ITGB6: variants seen among roughly 807,000 people sequenced by gnomAD.
The protein encoded by ITGB6 is integrin beta-6.
In ITGB6, 80 loss-of-function variants were observed where a neutral mutation model predicts 84.5. The ratio of observed to expected loss-of-function variants is 0.95; its 90% CI spans 0.79 to 1.14. The LOEUF (loss-of-function observed/expected upper bound fraction) is 1.14. ITGB6 is among the 50% of genes most tolerant of loss of function. ITGB6 has a pLI of 0.00. For missense variants in ITGB6, 1,006 were observed against 968.0 expected, an observed-to-expected ratio of 1.04 and a Z score of -0.52; for synonymous variants, 383 against 354.9, an observed-to-expected ratio of 1.08 and a Z score of -0.89.
intron 10 of ITGB6, among the ~76,000 whole-genome samples, chr2:160,134,454 A>C (rs1053715136): frequency 6.6e-6 from 1 of 152,254 alleles, no homozygotes; most frequent in Non-Finnish European, 1.5e-5. Flanking sequence ...AGATGGATTC[A>C]CAGCCAAATT....
chr2:160,180,028 G>T (rs541877935), intron 4 of ITGB6, among the ~76,000 whole-genome samples: 1 of 148,872 alleles, frequency 6.7e-6, no homozygotes, highest in Non-Finnish European at 1.5e-5. Context: ...CAGCAGAATC[G>T]CTTGAACCTG....
chr2:160,103,885 T>C (rs924736404), intron 14 of ITGB6, among the ~76,000 whole-genome samples: 14 of 152,142 alleles, frequency 9.2e-5, no homozygotes, highest in African/African-American at 3.4e-4. Context: ...AGATACTTGT[T>C]TGTAGGTGCA....
In ITGB6 at chr2:160,137,457, C is replaced by T. The variant is rs1010509744; in HGVS notation, c.1637G>A (p.Arg546Lys). 3 of 1,611,786 alleles carry T rather than the reference C, an allele frequency of 1.9e-6. No individual in the cohort carries two copies. Among genetic ancestry groups the T allele is most frequent in the Non-Finnish European group, 2.5e-6 (3 of 1,178,208 alleles). Residue 546 changes from arginine (R) to lysine (K), a missense_variant, in exon 10 of 15, where the codon AGA becomes AAA. Transcript: ENST00000283249. ...ACCTCCGCAGAGCAGCCCTTTGTGT[C>T]TCACGCAGGAGAAATTGTCACACTG... ...YCQCDNFSCV[R>K]HKGLLCGGNG...
At chr2:160,132,020 T>A (rs1229910003) in intron 10 of ITGB6, among the ~76,000 whole-genome samples, 3 of 152,192 alleles carry the variant, frequency 2.0e-5, no homozygotes, top group Non-Finnish European at 4.4e-5. Flanking sequence ...GTATCTCTAT[T>A]ATATTTTGTT....
intron 11 of ITGB6, among the ~76,000 whole-genome samples, chr2:160,124,195 T>A (rs1683147497): frequency 6.6e-6 from 1 of 152,224 alleles, no homozygotes; most frequent in African/African-American, 2.4e-5. Flanking sequence ...ATAAATTGAT[T>A]TAGCTGTTTT....
At chr2:160,156,133 TC>T (rs1196110800) in intron 7 of ITGB6, among the ~76,000 whole-genome samples, 11 of 152,196 alleles carry the variant, frequency 7.2e-5, no homozygotes, top group African/African-American at 1.7e-4. Flanking sequence ...AGGGGATGCT[TC>T]CGGGTAATCA....
intron 7 of ITGB6, 107 bp downstream of exon 7, chr2:160,169,105 T>C (rs557298741): frequency 4.8e-5 from 32 of 671,854 alleles, no homozygotes; most frequent in African/African-American, 4.1e-4. Flanking sequence ...TGGTGTGTGT[T>C]AATGATTATC....
intron 12 of ITGB6, among the ~76,000 whole-genome samples, chr2:160,113,993 T>G (rs1378869356): frequency 6.6e-6 from 1 of 152,186 alleles, no homozygotes; most frequent in East Asian, 1.9e-4. Flanking sequence ...ACATATTTAA[T>G]GAAACATTTT....
chr2:160,136,955 G>T (rs1458765554), intron 10 of ITGB6, among the ~76,000 whole-genome samples: 1 of 151,390 alleles, frequency 6.6e-6, no homozygotes, highest in African/African-American at 2.4e-5. Context: ...AATGTTAAAT[G>T]ATGAGTTAAT....
At chr2:160,151,168 C>G (rs957794555) in intron 7 of ITGB6, among the ~76,000 whole-genome samples, 6 of 152,066 alleles carry the variant, frequency 3.9e-5, no homozygotes, top group Admixed American at 1.3e-4. Context: ...CATTGCACTT[C>G]TTTTAAAATT....
chr2:160,178,898 T>A (rs572491713), intron 4 of ITGB6: 1 of 152,288 alleles, frequency 6.6e-6, no homozygotes, highest in East Asian at 1.9e-4. Context: ...AGTCTCACCA[T>A]GTTGCCCAAG....
intron 4 of ITGB6, among the ~76,000 whole-genome samples, chr2:160,176,426 C>T (rs1390298678): frequency 1.3e-5 from 2 of 152,186 alleles, no homozygotes; most frequent in Non-Finnish European, 2.9e-5. Context: ...CAGTCTGTCG[C>T]TTCCAGGTAA....
intron 12 of ITGB6, among the ~76,000 whole-genome samples, chr2:160,115,340 G>A (rs557913524): frequency 6.6e-6 from 1 of 152,078 alleles, no homozygotes; most frequent in Non-Finnish European, 1.5e-5. Flanking sequence ...GGTTCACCAA[G>A]ATCCACTGTT....
chr2:160,106,011 CA>C (rs1252662129), intron 14 of ITGB6, among the ~76,000 whole-genome samples: 1 of 152,168 alleles, frequency 6.6e-6, no homozygotes, highest in African/African-American at 2.4e-5. Context: ...ACAGTTCTGC[CA>C]CACCTGCTTC....
chr2:160,181,463 T>G (rs1685669715), intron 4 of ITGB6, among the ~76,000 whole-genome samples: 1 of 152,186 alleles, frequency 6.6e-6, no homozygotes, highest in Non-Finnish European at 1.5e-5. Flanking sequence ...GCAGGAAATC[T>G]TTGAAAGAAA....
intron 4 of ITGB6, among the ~76,000 whole-genome samples, chr2:160,177,501 G>A (rs1685474122): frequency 2.0e-5 from 3 of 151,816 alleles, no homozygotes; most frequent in African/African-American, 4.8e-5. Flanking sequence ...AACCCGGGAG[G>A]CGGAGCTTGC....
chr2:160,137,934 C>T, intron 9 of ITGB6, 83 bp from the exon 10 acceptor site: 2 of 1,539,284 alleles, frequency 1.3e-6, no homozygotes, highest in Non-Finnish European at 1.8e-6. Flanking sequence ...TCAGCTTTGC[C>T]AAAAGCATTT....
intron 8 of ITGB6, among the ~76,000 whole-genome samples, chr2:160,140,486 C>T (rs756063830): frequency 7.9e-5 from 12 of 152,068 alleles, no homozygotes; most frequent in South Asian, 2.1e-4. Flanking sequence ...TTAGTTTCTC[C>T]GATGATGTTA....
chr2:160,119,424 C>T (rs923795765), intron 12 of ITGB6, among the ~76,000 whole-genome samples: 3 of 151,876 alleles, frequency 2.0e-5, no homozygotes, highest in Non-Finnish European at 4.4e-5. Flanking sequence ...GAAAGGATTC[C>T]CTGTTTAATA....
Sources: gnomAD v4.1 joint callset for allele counts (sites outside exome capture counted in the v4.1 genomes callset) on GRCh38, gnomAD v4.1.1 for gene constraint, MANE v1.5 for transcripts, NCBI Gene and HGNC (gene_info 2026-07-23, HGNC 2026-07-21) for gene names.